Variants in KIRREL3 observed in about 807,000 individuals in gnomAD.
KIRREL3 encodes kirre like nephrin family adhesion molecule 3.
Under a neutral mutation model 89.7 loss-of-function variants are expected in KIRREL3, and 36 were observed. That is an observed-to-expected ratio of 0.40 (90% CI 0.31 to 0.53). KIRREL3 has a LOEUF of 0.53. Ranked by LOEUF, KIRREL3 falls within the 20% of genes least tolerant of loss-of-function variation. KIRREL3 has a pLI of 0.49. For missense variants in KIRREL3, 864 were observed against 1,056.6 expected, an observed-to-expected ratio of 0.82 and a Z score of 2.53; for synonymous variants, 445 against 441.4, an observed-to-expected ratio of 1.01 and a Z score of -0.10.
rs1021959741 is a variant in KIRREL3 at position 126,685,169 on chromosome 11, A to T, written c.56-122257T>A. On this transcript the variant is annotated intron_variant, in intron 1 of 16. Coordinates refer to ENST00000525144, the MANE Select transcript of KIRREL3 (RefSeq NM_032531.4). This position sits in a 1 kb window ranked among gnomAD's most constrained non-coding sequence, Gnocchi z 5.5. ...CTCGAAGAAGCCCAGTGTGACAAGGATTGAGAGGTGTGCTCAAGATGTGCT... is the reference window on the plus strand; with the variant it reads ...CTCGAAGAAGCCCAGTGTGACAAGGTTTGAGAGGTGTGCTCAAGATGTGCT... 6.6e-6 allele frequency among the ~76,000 whole-genome samples: 1 copy of T among 152,166 alleles called. No individual in the cohort carries two copies.
At chr11:126,439,066 C>T (rs1565450600) in intron 11 of KIRREL3, among the ~76,000 whole-genome samples, 1 of 152,194 alleles carries the variant, frequency 6.6e-6, no homozygotes, top group Non-Finnish European at 1.5e-5. Flanking sequence ...CCTGAGATCC[C>T]TCCAGTTTTA....
chr11:126,507,560 G>T (rs1943528), intron 4 of KIRREL3, among the ~76,000 whole-genome samples: 66,418 of 152,014 alleles, frequency 0.44, 17,269 homozygotes, highest in African/African-American at 0.72. Flanking sequence ...CTACAATATG[G>T]TTCGCGGAGG....
At chr11:126,949,795 GC>G (rs1263408625) in intron 1 of KIRREL3, among the ~76,000 whole-genome samples, 6 of 152,186 alleles carry the variant, frequency 3.9e-5, no homozygotes, top group Non-Finnish European at 7.4e-5. Flanking sequence ...GCTAAGAATG[GC>G]AGGAACCACC....
At chr11:126,699,389 A>G (rs1947225834) in intron 1 of KIRREL3, among the ~76,000 whole-genome samples, 1 of 152,268 alleles carries the variant, frequency 6.6e-6, no homozygotes, top group Non-Finnish European at 1.5e-5. Flanking sequence ...GTAAAGGCTG[A>G]ATACAACACG....
At chr11:126,725,629 G>T (rs79317100) in intron 1 of KIRREL3, among the ~76,000 whole-genome samples, 1 of 152,182 alleles carries the variant, frequency 6.6e-6, no homozygotes, top group African/African-American at 2.4e-5. Flanking sequence ...GGTAGAGGCC[G>T]TCCTTGTCTG....
At position 126,795,457 on chromosome 11, in the gene KIRREL3, C is replaced by T. The variant is rs1299106937; in HGVS notation, c.55+204998G>A. 6.6e-6 allele frequency among the ~76,000 whole-genome samples: 1 copy of T among 152,168 alleles called. No individual in the cohort carries two copies. The highest frequency in any genetic ancestry group is 1.5e-5 in the Non-Finnish European group (1 of 68,042). On this transcript the variant is annotated intron_variant, in intron 1 of 16. Coordinates refer to ENST00000525144, the MANE Select transcript of KIRREL3 (RefSeq NM_032531.4). The surrounding 1 kb of genome is among the most constrained non-coding windows in gnomAD (Gnocchi z 4.1). ...TGATCTCTGCTCACTGCAACCTCCG[C>T]TTCCCGGATTCAAGCGATTCTCCTG...
In KIRREL3 at chr11:126,436,822, A is replaced by G; in HGVS notation, c.1541T>C (p.Leu514Pro). The change falls in exon 12 of 17, where the codon CTC becomes CCC. Residue 514 changes from leucine to proline, a missense_variant. Physicochemically the swap from Leu to Pro is moderately conservative, Grantham distance 98. Coordinates refer to ENST00000525144, the MANE Select transcript of KIRREL3 (RefSeq NM_032531.4). ...SFGSDTEIIR[L>P]KEQGSEMKSG... Reference sequence around the variant, plus strand: ...CTGGCAGCTCTCACCTTGCTCCTTGAGCCGGATGATCTCAGTGTCGGAGCC... The same window carrying G: ...CTGGCAGCTCTCACCTTGCTCCTTGGGCCGGATGATCTCAGTGTCGGAGCC... The G allele has an allele frequency of 2.5e-6, 4 of 1,613,292 alleles. No homozygotes were observed. The highest frequency in any genetic ancestry group is 3.4e-6 in the Non-Finnish European group (4 of 1,179,816).
chr11:126,435,850 G>A (rs1024408264), intron 12 of KIRREL3, among the ~76,000 whole-genome samples: 2 of 152,248 alleles, frequency 1.3e-5, no homozygotes, highest in South Asian at 4.1e-4. Context: ...ACCTAAGAGG[G>A]TGTCAGAGAT....
rs950960217 is a variant in KIRREL3, at chr11:126,755,521, A to G, written c.56-192609T>C. ...CTTCCCATTGCTCTCTTTAAAAAAG[A>G]CACACACCAGAAAGTAAAAAAACAA... On this transcript the variant is annotated intron_variant, in intron 1 of 16. Coordinates refer to ENST00000525144, the MANE Select transcript of KIRREL3 (RefSeq NM_032531.4). This position sits in a 1 kb window ranked among gnomAD's most constrained non-coding sequence, Gnocchi z 4.3. Among the ~76,000 whole-genome samples the G allele has an allele frequency of 2.6e-5, 4 of 152,204 alleles. No homozygotes were observed. The East Asian group carries it at 7.7e-4, about 29-fold the overall frequency.
In KIRREL3 at chr11:126,526,484, T is replaced by C. The variant is rs949650849; in HGVS notation, c.283+54A>G. On this transcript the variant is annotated intron_variant, in intron 3 of 16. Transcript: ENST00000525144. This position sits in a 1 kb window ranked among gnomAD's most constrained non-coding sequence, Gnocchi z 5.7. Reference sequence around the variant, plus strand: ...GGTGCTCCCTAGGAAGGTGGATGGGTGAGTAAGGAAGTGATGGCCCCAGGC... The same window carrying C: ...GGTGCTCCCTAGGAAGGTGGATGGGCGAGTAAGGAAGTGATGGCCCCAGGC... 4 of 1,548,546 alleles carry C rather than the reference T, an allele frequency of 2.6e-6. No individual in the cohort carries two copies. The highest frequency in any genetic ancestry group is 3.5e-6 in the Non-Finnish European group (4 of 1,133,750).
rs1489443015 is a variant in KIRREL3, at chr11:126,754,586, A to T, written c.56-191674T>A. On this transcript the variant is annotated intron_variant, in intron 1 of 16. Transcript: ENST00000525144. This position sits in a 1 kb window ranked among gnomAD's most constrained non-coding sequence, Gnocchi z 5.1. ...GGGATCGTCTGCGAAGAAAGAATAG[A>T]GATACGAGATAAATTAAAGGGATCA... is the stretch of plus-strand genomic sequence containing the variant. 6.6e-6 allele frequency among the ~76,000 whole-genome samples: 1 copy of T among 151,984 alleles called. No individual in the cohort carries two copies. The highest frequency in any genetic ancestry group is 1.5e-5 in the Non-Finnish European group (1 of 68,006).
rs1299496698 is a variant in KIRREL3, at chr11:126,575,062, G to A, written c.56-12150C>T. 6.6e-6 allele frequency among the ~76,000 whole-genome samples: 1 copy of A among 152,150 alleles called. No individual in the cohort carries two copies. Among genetic ancestry groups the A allele is most frequent in the African/African-American group, 2.4e-5 (1 of 41,420 alleles). On this transcript the variant is annotated intron_variant, in intron 1 of 16. Transcript: ENST00000525144. The surrounding 1 kb of genome is among the most constrained non-coding windows in gnomAD (Gnocchi z 7.0). ...TGGTTATGGCAATGTGGAGGAGGCC[G>A]GTGGCCCAGGGCCTGAACTGCAGGA...
chr11:126,904,934 T>A lies in KIRREL3; in HGVS notation c.55+95521A>T, dbSNP rs1420291870. 7.2e-6 allele frequency among the ~76,000 whole-genome samples: 1 copy of A among 139,122 alleles called. No individual in the cohort carries two copies. The highest frequency in any genetic ancestry group is 1.6e-5 in the Non-Finnish European group (1 of 62,912). The allele number at this position is 139,122 out of a possible 152,430, so 91.3% of individuals were successfully genotyped here. The stretch of plus-strand genomic sequence containing the variant: ...ATAATAAATAACTGACTATCCATGA[T>A]GGGGATGATGATGATGATGATGATG... On this transcript the variant is annotated intron_variant, in intron 1 of 16. Coordinates refer to ENST00000525144, the MANE Select transcript of KIRREL3 (RefSeq NM_032531.4). The surrounding 1 kb of genome is among the most constrained non-coding windows in gnomAD (Gnocchi z 4.4).
chr11:126,731,182 C>T (rs1406801302), intron 1 of KIRREL3, among the ~76,000 whole-genome samples: 1 of 152,228 alleles, frequency 6.6e-6, no homozygotes, highest in African/African-American at 2.4e-5. Context: ...GCATAGTTTA[C>T]AAAGCTCCCT....
At position 126,563,955 on chromosome 11, in the gene KIRREL3, T is replaced by C. The variant is rs569581114; in HGVS notation, c.56-1043A>G. Among the ~76,000 whole-genome samples the C allele has an allele frequency of 6.6e-6, 1 of 152,316 alleles. No individual in the cohort carries two copies. Among genetic ancestry groups the C allele is most frequent in the Non-Finnish European group, 1.5e-5 (1 of 68,030 alleles). The stretch of plus-strand genomic sequence containing the variant: ...ATGGGAAAATTGAGGTTCAACCATG[T>C]TAAATGACTTCCCACGATTGTCTTA... On this transcript the variant is annotated intron_variant, in intron 1 of 16. Transcript: ENST00000525144. This position sits in a 1 kb window ranked among gnomAD's most constrained non-coding sequence, Gnocchi z 6.8.
intron 1 of KIRREL3, among the ~76,000 whole-genome samples, chr11:126,721,952 A>T (rs1948190161): frequency 6.6e-6 from 1 of 152,218 alleles, no homozygotes; most frequent in Non-Finnish European, 1.5e-5. Context: ...ACCATTTGTG[A>T]GTGCTCTGGT....
rs1370126060 is a variant in KIRREL3, at chr11:126,521,672, CTGTATGTGTGTGTGTGTGTGTGTGTGTG to C, written c.284-236_284-209del. ...AGGTGTTGGTTCTCTCTCTCTCTCTCTGTATGTGTGTGTGTGTGTGTGTGTGTGTGTGTGTGTGTGTGTGTGTGTGTGT... is the reference window on the plus strand; with the variant it reads ...AGGTGTTGGTTCTCTCTCTCTCTCTCTGTGTGTGTGTGTGTGTGTGTGTGT... On this transcript the variant is annotated intron_variant, in intron 3 of 16. Transcript: ENST00000525144. This position sits in a 1 kb window ranked among gnomAD's most constrained non-coding sequence, Gnocchi z 4.1. 1.2e-3 allele frequency among the ~76,000 whole-genome samples: 50 copies of C among 43,028 alleles called. No individual in the cohort carries two copies. The highest frequency in any genetic ancestry group is 8.6e-3 in the African/African-American group (48 of 5,554). The allele number at this position is 43,028 out of a possible 152,430, so 28.2% of individuals were successfully genotyped here.
At chr11:126,749,090 C>T (rs1049775867) in intron 1 of KIRREL3, among the ~76,000 whole-genome samples, 3 of 152,174 alleles carry the variant, frequency 2.0e-5, no homozygotes, top group African/African-American at 7.2e-5. Context: ...CCCAGTCACT[C>T]CTCTGAGCCA....
At chr11:126,633,768 T>C (rs1944148377) in intron 1 of KIRREL3, among the ~76,000 whole-genome samples, 1 of 152,246 alleles carries the variant, frequency 6.6e-6, no homozygotes, top group South Asian at 2.1e-4. Context: ...CACTGTCTTG[T>C]CTTCCTTTTC....
Sources: gnomAD v4.1 joint callset for allele counts (sites outside exome capture counted in the v4.1 genomes callset) on GRCh38, gnomAD v4.1.1 for gene constraint, Gnocchi (gnomAD v3.1) non-coding constraint, MANE v1.5 for transcripts, NCBI Gene and HGNC (gene_info 2026-07-23, HGNC 2026-07-21) for gene names.